Variants in WWOX observed in about 807,000 individuals in gnomAD.
The protein encoded by WWOX is WW domain-containing oxidoreductase.
In WWOX, 69 loss-of-function variants were observed where a neutral mutation model predicts 46.2. The observed-to-expected ratio is 1.49, with a 90% CI of 1.23 to 1.82. The LOEUF (loss-of-function observed/expected upper bound fraction) is 1.82, where lower values mean the gene tolerates loss of function less well. WWOX is among the 40% of genes most tolerant of loss of function. The pLI is 0.00. For synonymous variants in WWOX, 359 were observed against 202.6 expected (o/e 1.77, Z -6.56); for missense variants, 919 against 542.6 (o/e 1.69, Z -6.89).
At chr16:79,114,684 T>C (rs1244069808) in intron 8 of WWOX, among the ~76,000 whole-genome samples, 1 of 152,108 alleles carries the variant, frequency 6.6e-6, no homozygotes, top group Non-Finnish European at 1.5e-5. Context: ...ACCTAGTTTG[T>C]GGCACTTTGT....
chr16:78,325,909 AATG>A (rs2080601172), intron 5 of WWOX, among the ~76,000 whole-genome samples: 1 of 152,252 alleles, frequency 6.6e-6, no homozygotes, highest in Admixed American at 6.5e-5. Flanking sequence ...AAGGCTATGA[AATG>A]ATGCCCACTG....
chr16:78,506,228 A>G (rs2085200732), intron 8 of WWOX, among the ~76,000 whole-genome samples: 1 of 152,196 alleles, frequency 6.6e-6, no homozygotes, highest in Non-Finnish European at 1.5e-5. Flanking sequence ...CTCCCTGTGG[A>G]CACACAGGCT....
At chr16:78,618,816 A>G (rs1357095617) in intron 8 of WWOX, among the ~76,000 whole-genome samples, 1 of 151,760 alleles carries the variant, frequency 6.6e-6, no homozygotes, top group Non-Finnish European at 1.5e-5. Flanking sequence ...TGTGGCCTGA[A>G]TTGGTCAGTG....
At chr16:78,970,929 G>A (rs189758458) in intron 8 of WWOX, among the ~76,000 whole-genome samples, 281 of 152,218 alleles carry the variant, frequency 1.8e-3, no homozygotes, top group African/African-American at 6.3e-3. Context: ...GGTGGTCTCT[G>A]TTTTGCTTAC....
At chr16:78,845,497 TTAGCA>T (rs1238493119) in intron 8 of WWOX, among the ~76,000 whole-genome samples, 1 of 152,184 alleles carries the variant, frequency 6.6e-6, no homozygotes, top group Non-Finnish European at 1.5e-5. Flanking sequence ...TTTTACAGGC[TTAGCA>T]TAATATTTTA....
intron 8 of WWOX, among the ~76,000 whole-genome samples, chr16:78,511,781 G>C (rs1455051684): frequency 6.6e-6 from 1 of 152,176 alleles, no homozygotes; most frequent in African/African-American, 2.4e-5. Flanking sequence ...TTTGTCCTCA[G>C]CTGGACTCGA....
chr16:78,539,460 T>C (rs2043835864), intron 8 of WWOX, among the ~76,000 whole-genome samples: 2 of 152,244 alleles, frequency 1.3e-5, no homozygotes, highest in Non-Finnish European at 2.9e-5. Flanking sequence ...TGCATTTCTC[T>C]TCCAGTAAGC....
At chr16:78,202,027 C>G (rs181846317) in intron 5 of WWOX, among the ~76,000 whole-genome samples, 1 of 151,984 alleles carries the variant, frequency 6.6e-6, no homozygotes, top group Non-Finnish European at 1.5e-5. Context: ...TTGATTTTTC[C>G]TCTTTAAACT....
At chr16:78,103,247 T>G (rs1188092635) in intron 1 of WWOX, among the ~76,000 whole-genome samples, 4 of 51,802 alleles carry the variant, frequency 7.7e-5, no homozygotes, top group African/African-American at 1.6e-4. Flanking sequence ...CCGCTGTTTT[T>G]TTTTTTTTTT....
At chr16:78,789,324 A>G (rs1416034741) in intron 8 of WWOX, among the ~76,000 whole-genome samples, 1 of 152,170 alleles carries the variant, frequency 6.6e-6, no homozygotes, top group African/African-American at 2.4e-5. Context: ...CAATTTTTCT[A>G]TATAGTTTAA....
chr16:78,616,625 C>T (rs915341011), intron 8 of WWOX, among the ~76,000 whole-genome samples: 1 of 151,798 alleles, frequency 6.6e-6, no homozygotes, highest in African/African-American at 2.4e-5. Context: ...AAAACTTAGC[C>T]AGGCTCGGTG....
intron 8 of WWOX, among the ~76,000 whole-genome samples, chr16:78,883,341 C>G (rs184280019): frequency 2.0e-5 from 3 of 152,112 alleles, no homozygotes; most frequent in African/African-American, 7.2e-5. Flanking sequence ...CTGGATTAGA[C>G]CCTGAATCAG....
intron 8 of WWOX, among the ~76,000 whole-genome samples, chr16:78,785,859 G>A (rs1436730595): frequency 1.3e-5 from 2 of 151,738 alleles, no homozygotes; most frequent in Admixed American, 6.6e-5. Flanking sequence ...TCATAATGTA[G>A]CATCTGTAGA....
intron 8 of WWOX, among the ~76,000 whole-genome samples, chr16:79,062,456 T>G (rs2048372739): frequency 6.6e-6 from 1 of 152,042 alleles, no homozygotes; most frequent in African/African-American, 2.4e-5. Context: ...TGAGGACACT[T>G]CCCGGTGCCG....
At chr16:79,209,814 G>GTTGT (rs1196592223) in intron 8 of WWOX, among the ~76,000 whole-genome samples, 6 of 152,184 alleles carry the variant, frequency 3.9e-5, no homozygotes, top group African/African-American at 1.4e-4. Flanking sequence ...ACCCCTTGAA[G>GTTGT]TTGTTTAGAT....
intron 8 of WWOX, among the ~76,000 whole-genome samples, chr16:79,183,481 T>C (rs1418848647): frequency 6.6e-6 from 1 of 152,212 alleles, no homozygotes; most frequent in Non-Finnish European, 1.5e-5. Context: ...ATTTCTGCTT[T>C]TGGAAGATAC....
chr16:78,605,401 C>T (rs897401392), intron 8 of WWOX, among the ~76,000 whole-genome samples: 1 of 151,486 alleles, frequency 6.6e-6, no homozygotes, highest in Non-Finnish European at 1.5e-5. Context: ...AAAGACAGGG[C>T]TCATGTCAAG....
chr16:78,453,365 G>A (rs1002130984), intron 8 of WWOX, among the ~76,000 whole-genome samples: 10 of 151,790 alleles, frequency 6.6e-5, no homozygotes, highest in African/African-American at 2.4e-4. Flanking sequence ...GGAGGTGGCA[G>A]TGAGTGGAGA....
intron 8 of WWOX, among the ~76,000 whole-genome samples, chr16:78,834,969 T>G (rs1156913141): frequency 2.0e-5 from 3 of 152,344 alleles, no homozygotes; most frequent in East Asian, 3.9e-4. Flanking sequence ...AACCAGACAC[T>G]GTGCTGAGTG....
Sources: allele counts gnomAD v4.1 joint callset (sites outside exome capture counted in the v4.1 genomes callset), GRCh38; gene constraint gnomAD v4.1.1; transcripts MANE v1.5; gene names NCBI Gene and HGNC (gene_info 2026-07-23, HGNC 2026-07-21).